The following PLEKHA7 variants were observed in gnomAD, a reference collection of about 807,000 sequenced individuals.
PLEKHA7 encodes the protein pleckstrin homology domain-containing family A member 7.
A neutral mutation model predicts 170.0 loss-of-function variants in PLEKHA7; 104 were observed. That is an observed-to-expected ratio of 0.61 (90% confidence interval 0.52 to 0.72). The LOEUF is 0.72. Among genes scored for constraint, PLEKHA7 ranks in the 30% least tolerant of loss-of-function variants. PLEKHA7 has a pLI of 0.00. For synonymous variants in PLEKHA7, 648 were observed against 660.8 expected, an observed-to-expected ratio of 0.98 and a Z score of 0.30; for missense variants, 1,615 against 1,671.7, an observed-to-expected ratio of 0.97 and a Z score of 0.59.
At chr11:16,855,057 A>T in intron 5 of PLEKHA7, 64 bp from the exon 6 acceptor site, 1 of 1,393,370 alleles carries the variant, frequency 7.2e-7, no homozygotes, top group Non-Finnish European at 1.0e-6. Context: ...AAGCACTTGT[A>T]TGTTAGGAGG....
At chr11:16,959,023 G>C (rs1486344313) in intron 3 of PLEKHA7, among the ~76,000 whole-genome samples, 1 of 152,294 alleles carries the variant, frequency 6.6e-6, no homozygotes, top group Non-Finnish European at 1.5e-5. Context: ...ACCTGCCATT[G>C]CACCCTTTCA....
At chr11:16,801,157 A>C in intron 16 of PLEKHA7, 82 bp from the exon 17 acceptor site, 1 of 1,182,400 alleles carries the variant, frequency 8.5e-7, no homozygotes, top group Non-Finnish European at 1.3e-6. Flanking sequence ...ACTCCTGACC[A>C]TGCTGACCCA....
At chr11:16,865,498 T>G (rs1854314298) in intron 4 of PLEKHA7, among the ~76,000 whole-genome samples, 1 of 152,126 alleles carries the variant, frequency 6.6e-6, no homozygotes, top group East Asian at 1.9e-4. Flanking sequence ...CTGAGGCAGA[T>G]GGACTGCTTG....
intron 6 of PLEKHA7, among the ~76,000 whole-genome samples, chr11:16,854,106 G>A (rs1853220999): frequency 6.6e-6 from 1 of 152,206 alleles, no homozygotes; most frequent in South Asian, 2.1e-4. Flanking sequence ...TAGCAACTTA[G>A]GACATGGCAG....
At chr11:16,839,914 C>A (rs567080234) in intron 9 of PLEKHA7, among the ~76,000 whole-genome samples, 1 of 152,198 alleles carries the variant, frequency 6.6e-6, no homozygotes, top group African/African-American at 2.4e-5. Context: ...GGGGACTAGA[C>A]TGTGCACTAG....
chr11:16,865,641 G>C (rs181943009), intron 4 of PLEKHA7, among the ~76,000 whole-genome samples: 6 of 151,448 alleles, frequency 4.0e-5, no homozygotes, highest in Non-Finnish European at 8.8e-5. Flanking sequence ...AGGTTGCAAT[G>C]ACCCAAGATC....
intron 4 of PLEKHA7, among the ~76,000 whole-genome samples, chr11:16,860,869 G>A (rs985411675): frequency 6.6e-6 from 1 of 152,198 alleles, no homozygotes; most frequent in East Asian, 1.9e-4. Flanking sequence ...TCCTCCACAA[G>A]TCACATCAGT....
chr11:16,984,445 G>A (rs774039906), intron 3 of PLEKHA7, among the ~76,000 whole-genome samples: 7 of 152,122 alleles, frequency 4.6e-5, no homozygotes, highest in Admixed American at 4.6e-4. Context: ...GAAAGCTCAA[G>A]TCAAGGGCCT....
At chr11:16,883,607 C>T (rs1208787245) in intron 3 of PLEKHA7, among the ~76,000 whole-genome samples, 7 of 152,174 alleles carry the variant, frequency 4.6e-5, no homozygotes, top group Non-Finnish European at 1.0e-4. Context: ...TGGGCTTTGG[C>T]TCCTTCTGTC....
intron 9 of PLEKHA7, among the ~76,000 whole-genome samples, chr11:16,838,561 T>C (rs1851702202): frequency 6.7e-6 from 1 of 150,070 alleles, no homozygotes; most frequent in African/African-American, 2.5e-5. Context: ...ATCCTAACCA[T>C]CATGGAAATA....
At chr11:16,866,396 A>G (rs1452026599) in intron 4 of PLEKHA7, among the ~76,000 whole-genome samples, 3 of 151,896 alleles carry the variant, frequency 2.0e-5, no homozygotes, top group African/African-American at 7.2e-5. Flanking sequence ...GTTCAAAACC[A>G]GCCTGGCCAA....
intron 11 of PLEKHA7, 136 bp downstream of exon 11, chr11:16,816,664 T>G: frequency 9.4e-7 from 1 of 1,062,128 alleles, no homozygotes; most frequent in Non-Finnish European, 1.3e-6. Context: ...GTGCCTGGCA[T>G]CTATTATTAA....
intron 10 of PLEKHA7, among the ~76,000 whole-genome samples, chr11:16,818,857 G>C (rs1849984804): frequency 1.3e-5 from 2 of 151,376 alleles, no homozygotes; most frequent in Non-Finnish European, 2.9e-5. Flanking sequence ...AGGCTGGAGT[G>C]CAGTGGTGCA....
intron 3 of PLEKHA7, among the ~76,000 whole-genome samples, chr11:16,934,046 A>G (rs1860121603): frequency 1.3e-5 from 2 of 152,188 alleles, no homozygotes; most frequent in South Asian, 4.1e-4. Flanking sequence ...AGCAACAGGA[A>G]GCCCTCTGGT....
In PLEKHA7 at chr11:16,789,695, G is replaced by A; in HGVS notation, c.3156+80C>T. The A allele has an allele frequency of 1.5e-6, 2 of 1,293,612 alleles. No homozygotes were observed. The highest frequency in any genetic ancestry group is 2.2e-6 in the Non-Finnish European group (2 of 913,110). The allele number at this position is 1,293,612 out of a possible 1,614,324, so 80.1% of individuals were successfully genotyped here. A position where few individuals can be genotyped will look rare whatever the true frequency, so the allele number is the denominator to read the frequency against. On this transcript the variant is annotated intron_variant, in intron 22 of 26. Transcript: ENST00000531066. This position sits in a 1 kb window ranked among gnomAD's most constrained non-coding sequence, Gnocchi z 4.6. ...GGCCATCCCCAGGGCTGAAGGGATG[G>A]CCAGTTACTGTCCCCCTGGGAGACC...
chr11:16,987,231 A>G (rs887708488), intron 3 of PLEKHA7, among the ~76,000 whole-genome samples: 9 of 151,728 alleles, frequency 5.9e-5, no homozygotes, highest in African/African-American at 2.2e-4. Context: ...CTCCCTCCCA[A>G]CCAAAAGCCT....
At chr11:16,947,109 T>C (rs2136458427) in intron 3 of PLEKHA7, among the ~76,000 whole-genome samples, 1 of 152,234 alleles carries the variant, frequency 6.6e-6, no homozygotes, top group Middle Eastern at 3.4e-3. Context: ...TAGGCTACTG[T>C]TTTCTCAGCT....
chr11:16,796,794 T>C (rs1848260258), intron 17 of PLEKHA7, among the ~76,000 whole-genome samples: 1 of 152,060 alleles, frequency 6.6e-6, no homozygotes, highest in African/African-American at 2.4e-5. Context: ...TAGCTAGGAG[T>C]ACCGGAGCAT....
In PLEKHA7 at chr11:16,789,777, G is replaced by A. The variant is rs753744566; in HGVS notation, c.3154C>T (p.Pro1052Ser). The A allele has an allele frequency of 2.5e-6, 4 of 1,613,050 alleles. No homozygotes were observed. The Admixed American group carries it at 5.0e-5, about 20-fold the overall frequency. ...CTCGACAGCTCAAGGCCACTCACAGGGAAGGTCGCCTTGCTGCTTTCGGCA... is the reference window on the plus strand; with the variant it reads ...CTCGACAGCTCAAGGCCACTCACAGAGAAGGTCGCCTTGCTGCTTTCGGCA... ...LNAESSKATFPRPKSALERLY... is the reference protein window; with the variant it reads ...LNAESSKATFSRPKSALERLY... Residue 1052 changes from proline (P) to serine (S), a missense_variant and splice_region_variant, in exon 22 of 27, where the codon CCT becomes TCT. By Grantham distance (74) the Pro-to-Ser change is moderately conservative. Transcript: ENST00000531066. This position sits in a 1 kb window ranked among gnomAD's most constrained non-coding sequence, Gnocchi z 4.6.
Sources: gnomAD v4.1 joint callset for allele counts (sites outside exome capture counted in the v4.1 genomes callset) on GRCh38, gnomAD v4.1.1 for gene constraint, Gnocchi (gnomAD v3.1) non-coding constraint, MANE v1.5 for transcripts, NCBI Gene and HGNC (gene_info 2026-07-23, HGNC 2026-07-21) for gene names.